The following ADCY10 variants were observed in gnomAD, a reference collection of about 807,000 sequenced individuals.
ADCY10 encodes the protein adenylate cyclase type 10.
ADCY10 carries 156 observed loss-of-function variants against 183.3 expected under a neutral mutation model. The ratio of observed to expected loss-of-function variants is 0.85; its 90% confidence interval spans 0.75 to 0.97. ADCY10 has a LOEUF of 0.97. Ranked by LOEUF, ADCY10 falls within the 50% of genes least tolerant of loss-of-function variation. The probability of loss-of-function intolerance (pLI) is 0.00; values close to 1 mark genes in which losing one functional copy is unlikely to be tolerated. For missense variants in ADCY10, 1,745 were observed against 1,934.3 expected, an observed-to-expected ratio of 0.90 and a Z score of 1.84; for synonymous variants, 645 against 670.0, an observed-to-expected ratio of 0.96 and a Z score of 0.58.
chr1:167,906,196 C>T (rs1302284739), intron 1 of ADCY10, among the ~76,000 whole-genome samples: 5 of 151,722 alleles, frequency 3.3e-5, no homozygotes, highest in African/African-American at 9.7e-5. Flanking sequence ...AATATTTGTA[C>T]ATTTAACAGA....
chr1:167,833,332 T>C (rs555431402), intron 24 of ADCY10, among the ~76,000 whole-genome samples, 170 bp from the exon 25 acceptor site: 1 of 152,330 alleles, frequency 6.6e-6, no homozygotes, highest in African/African-American at 2.4e-5. Context: ...ATTGGATATA[T>C]GCATGAAGGG....
chr1:167,833,140 A>G lies in ADCY10; in HGVS notation c.3440T>C (p.Ile1147Thr), dbSNP rs1290955253. The G allele has an allele frequency of 5.6e-6, 9 of 1,614,096 alleles. No individual in the cohort carries two copies. The highest frequency in any genetic ancestry group is 2.2e-5 in the East Asian group (1 of 44,888). The stretch of plus-strand genomic sequence containing the variant: ...CCTCAGCATTTTCTTGGCAAGCACT[A>G]TCTGGCCCATATTGAAACAGACCTA... ...KGEVCFNMGQ[I>T]VLAKKMLRKA... Residue 1147 changes from isoleucine to threonine, a missense_variant, in exon 25 of 33, where the codon ATA (isoleucine) becomes ACA (threonine). Transcript: ENST00000367851.
intron 8 of ADCY10, among the ~76,000 whole-genome samples, chr1:167,891,656 A>AG (rs1443988042): frequency 1.3e-5 from 1 of 75,590 alleles, no homozygotes; most frequent in African/African-American, 7.9e-5. Flanking sequence ...ACTCTGTCTC[A>AG]AAAAAAAAAA....
rs556050266 is a variant in ADCY10, at chr1:167,899,370, G to A, written c.642+53C>T. 2.9e-4 allele frequency: 448 copies of A among 1,560,442 alleles called. 1 individual carries two copies. The Middle Eastern group carries it at 3.6e-3, about 12-fold the overall frequency. ...GTGCCCAGTGACTCTTCTGGCAGGG[G>A]GCCTCTGTTACAGGCTGGCAGAACT... On this transcript the variant is annotated intron_variant, in intron 6 of 32. Transcript: ENST00000367851.
At chr1:167,879,460 A>C (rs975588567) in intron 11 of ADCY10, among the ~76,000 whole-genome samples, 2 of 152,114 alleles carry the variant, frequency 1.3e-5, no homozygotes, top group African/African-American at 2.4e-5. Context: ...TTGACCATAA[A>C]ATAAAATATA....
intron 13 of ADCY10, among the ~76,000 whole-genome samples, chr1:167,871,067 G>C (rs2102156677): frequency 6.6e-6 from 1 of 150,442 alleles, no homozygotes; most frequent in East Asian, 1.9e-4. Flanking sequence ...CCTAAAGCTT[G>C]TTTTTTTTTG....
chr1:167,912,891 G>T (rs1298633877), intron 1 of ADCY10, among the ~76,000 whole-genome samples: 1 of 152,328 alleles, frequency 6.6e-6, no homozygotes, highest in South Asian at 2.1e-4. Context: ...AAGCACAGAG[G>T]TATTAACTTG....
chr1:167,824,973 T>C, intron 26 of ADCY10, 118 bp from the exon 27 acceptor site: 1 of 1,032,342 alleles, frequency 9.7e-7, no homozygotes, highest in Non-Finnish European at 1.5e-6. Context: ...AGCTGGACAT[T>C]TGGCCGAAGC....
chr1:167,817,873 C>G (rs186558142), intron 31 of ADCY10, among the ~76,000 whole-genome samples, 199 bp downstream of exon 31: 6 of 152,220 alleles, frequency 3.9e-5, no homozygotes, highest in Admixed American at 1.3e-4. Flanking sequence ...AGTGGGATCT[C>G]AATATACAAA....
intron 21 of ADCY10, among the ~76,000 whole-genome samples, chr1:167,839,675 T>C (rs865984837): frequency 1.2e-4 from 19 of 152,310 alleles, no homozygotes; most frequent in Middle Eastern, 3.4e-3. Context: ...AATCTGTTCA[T>C]TGTCTGTCAG....
In ADCY10 at chr1:167,893,951, C is replaced by T; in HGVS notation, c.740-10G>A. The T allele has an allele frequency of 1.2e-6, 2 of 1,608,436 alleles. No individual in the cohort carries two copies. Among genetic ancestry groups the T allele is most frequent in the Non-Finnish European group, 8.5e-7 (1 of 1,175,276 alleles). Reference sequence around the variant, plus strand: ...GCAAGCCTCAGGAGGTCTAAGAAGGCAGAAGGAGGGTGCAGGCTCAGAGAG... The same window carrying T: ...GCAAGCCTCAGGAGGTCTAAGAAGGTAGAAGGAGGGTGCAGGCTCAGAGAG... On this transcript the variant is annotated splice_polypyrimidine_tract_variant and intron_variant, in intron 7 of 32. Transcript: ENST00000367851.
intron 19 of ADCY10, among the ~76,000 whole-genome samples, chr1:167,846,657 T>C (rs981182397): frequency 6.6e-6 from 1 of 152,222 alleles, no homozygotes; most frequent in South Asian, 2.1e-4. Context: ...TTTTGTATCT[T>C]CTTCTCTGCC....
intron 13 of ADCY10, among the ~76,000 whole-genome samples, chr1:167,873,737 CAA>C (rs1052928169): frequency 5.3e-5 from 8 of 151,852 alleles, no homozygotes; most frequent in Admixed American, 1.3e-4. Context: ...AAGGTAAAAA[CAA>C]AATTTCTGAA....
chr1:167,863,291 G>A (rs551181536), intron 14 of ADCY10, among the ~76,000 whole-genome samples: 33 of 152,274 alleles, frequency 2.2e-4, no homozygotes, highest in African/African-American at 7.5e-4. Context: ...GTATGGAAGG[G>A]CATTGTATGG....
intron 13 of ADCY10, among the ~76,000 whole-genome samples, chr1:167,874,880 C>T (rs1667344677): frequency 6.6e-6 from 1 of 152,064 alleles, no homozygotes. Context: ...TATAATTATA[C>T]AATGTATGAT....
At chr1:167,810,379 G>A (rs1217995736) in intron 32 of ADCY10, among the ~76,000 whole-genome samples, 1 of 152,198 alleles carries the variant, frequency 6.6e-6, no homozygotes, top group Non-Finnish European at 1.5e-5. Context: ...CAAGGTAATG[G>A]TATTAAGAGT....
intron 13 of ADCY10, among the ~76,000 whole-genome samples, chr1:167,873,075 A>AG (rs1005842130): frequency 1.3e-5 from 2 of 149,242 alleles, no homozygotes; most frequent in African/African-American, 4.9e-5. Flanking sequence ...GTCTCAAAAG[A>AG]AAAAAAAAAG....
At chr1:167,851,504 C>T (rs1665483550) in intron 18 of ADCY10, among the ~76,000 whole-genome samples, 1 of 152,078 alleles carries the variant, frequency 6.6e-6, no homozygotes, top group African/African-American at 2.4e-5. Context: ...TCTCATATAA[C>T]TAGAATATAG....
At chr1:167,905,763 GC>G (rs1389162356) in intron 1 of ADCY10, among the ~76,000 whole-genome samples, 4 of 149,646 alleles carry the variant, frequency 2.7e-5, no homozygotes, top group Non-Finnish European at 5.9e-5. Flanking sequence ...TGTGTGTGTG[GC>G]AGCTGGAAAG....
Sources: gnomAD v4.1 joint callset for allele counts (sites outside exome capture counted in the v4.1 genomes callset) on GRCh38, gnomAD v4.1.1 for gene constraint, MANE v1.5 for transcripts, NCBI Gene and HGNC (gene_info 2026-07-23, HGNC 2026-07-21) for gene names.